ESYT1: variants seen among roughly 807,000 people sequenced by gnomAD.
ESYT1 encodes the protein extended synaptotagmin 1.
Under a neutral mutation model 154.2 loss-of-function variants are expected in ESYT1, and 116 were observed. The observed-to-expected ratio is 0.75, with a 90% CI of 0.65 to 0.88. The LOEUF is 0.88. Among genes scored for constraint, ESYT1 ranks in the 40% least tolerant of loss-of-function variants. ESYT1 has a pLI of 0.00. For missense variants in ESYT1, 1,264 were observed against 1,379.3 expected, an observed-to-expected ratio of 0.92 and a Z score of 1.32; for synonymous variants, 500 against 539.9, an observed-to-expected ratio of 0.93 and a Z score of 1.02.
chr12:56,137,287 G>A lies in ESYT1; in HGVS notation c.1852G>A (p.Asp618Asn), dbSNP rs758036849. The part of the protein sequence containing the change: ...VPGCPGAWDV[D>N]SENPQRGSSV... The stretch of plus-strand genomic sequence containing the variant: ...TGGTTGTCCTGGTGCTTGGGACGTG[G>A]ACAGTGAGAATCCCCAGAGAGGCAG... The change falls in exon 17 of 31, where the codon GAC becomes AAC. Residue 618 changes from aspartate (D) to asparagine (N), a missense_variant. Asp to Asn is a conservative substitution (Grantham distance 23, BLOSUM62 1). Coordinates refer to ENST00000394048, the MANE Select transcript of ESYT1 (RefSeq NM_015292.3). 1.2e-6 allele frequency: 2 copies of A among 1,614,174 alleles called. No homozygotes were observed. Among genetic ancestry groups the A allele is most frequent in the South Asian group, 2.2e-5 (2 of 91,078 alleles).
intron 24 of ESYT1, among the ~76,000 whole-genome samples, chr12:56,141,668 A>C (rs971645244): frequency 5.3e-5 from 8 of 152,186 alleles, no homozygotes; most frequent in Non-Finnish European, 1.2e-4. Context: ...TGAACCCAGG[A>C]GGCGGAGCTT....
Position 56,128,898 on chromosome 12 carries a change from C to T in ESYT1, c.390+189C>T, listed in dbSNP as rs116009185. 3,476 of 651,972 alleles carry T rather than the reference C, an allele frequency of 5.3e-3. 90 individuals carry two copies. The African/African-American group carries it at 0.056, about 11-fold the overall frequency. 40.4% of individuals were successfully genotyped at this position (651,972 alleles called of 1,614,324 possible). The stretch of plus-strand genomic sequence containing the variant: ...CTTGGAACCGACTGCTCACTCTCCC[C>T]ACCCACCCTTTCGCATGCCCAGACT... On this transcript the variant is annotated intron_variant, in intron 1 of 30. Transcript: ENST00000394048.
At position 56,128,702 on chromosome 12, in the gene ESYT1, C is replaced by G; in HGVS notation, c.383C>G (p.Pro128Arg). The G allele has an allele frequency of 6.2e-7, 1 of 1,613,566 alleles. No homozygotes were observed. The highest frequency in any genetic ancestry group is 8.5e-7 in the Non-Finnish European group (1 of 1,180,032). ...CTCTATATGAGTCATCGAGAGCTAC[C>G]TGCCTGGGTGAGCGACCACCCTCGG... Reference protein sequence around the residue: ...KTLYMSHRELPAWVSFPDVEK... With the variant: ...KTLYMSHRELRAWVSFPDVEK... Residue 128 changes from proline (P) to arginine (R), a missense_variant, in exon 1 of 31, where the codon CCT (proline) becomes CGT (arginine). Coordinates refer to ENST00000394048, the MANE Select transcript of ESYT1 (RefSeq NM_015292.3).
chr12:56,130,451 C>G, intron 1 of ESYT1, 131 bp from the exon 2 acceptor site: 1 of 1,100,952 alleles, frequency 9.1e-7, no homozygotes, highest in Non-Finnish European at 1.4e-6. Context: ...GGCATCCTCG[C>G]CCCTCGCCCA....
chr12:56,138,513 C>T lies in ESYT1; in HGVS notation c.2433+14C>T. On this transcript the variant is annotated intron_variant, in intron 22 of 30. Transcript: ENST00000394048. ...GAGGACCTCCCGGTGAGATCCCGCT[C>T]CCCATGCCCCATAACTTCCTGGCCC... 6.3e-7 allele frequency: 1 copy of T among 1,587,860 alleles called. No individual in the cohort carries two copies. Among genetic ancestry groups the T allele is most frequent in the Non-Finnish European group, 8.6e-7 (1 of 1,166,790 alleles).
Position 56,142,643 on chromosome 12 carries a change from G to A in ESYT1, c.2799G>A (p.Ser933=), listed in dbSNP as rs1159370163. ...ACAGCTACAGCCACAGCTCCTCATC[G>A]CTGAGTGAAGAACCAGAGCTCTCGG... ...HSHSYSHSSS[S]LSEEPELSGG... Residue 933 remains serine (S), a synonymous_variant, in exon 26 of 31, where the codon TCG becomes TCA. Transcript: ENST00000394048. The surrounding 1 kb of genome is among the most constrained non-coding windows in gnomAD (Gnocchi z 4.1). 15 of 1,613,956 alleles carry A rather than the reference G, an allele frequency of 9.3e-6. No individual in the cohort carries two copies. Among genetic ancestry groups the A allele is most frequent in the Admixed American group, 3.3e-5 (2 of 59,990 alleles).
At chr12:56,128,772 T>A in intron 1 of ESYT1, 63 bp downstream of exon 1, 14 of 1,588,350 alleles carry the variant, frequency 8.8e-6, no homozygotes, top group Non-Finnish European at 1.1e-5. Context: ...CATCTGGGGC[T>A]TTTCCTCCTT....
At chr12:56,134,277 G>A in intron 14 of ESYT1, 65 bp from the exon 15 acceptor site, 1 of 1,591,768 alleles carries the variant, frequency 6.3e-7, no homozygotes, top group Non-Finnish European at 8.6e-7. Context: ...TACATGCAGG[G>A]GTTTTCTGCA....
chr12:56,141,655 G>T (rs1704175177), intron 24 of ESYT1, among the ~76,000 whole-genome samples: 1 of 152,166 alleles, frequency 6.6e-6, no homozygotes, highest in Admixed American at 6.5e-5. Flanking sequence ...CAGGAGAATG[G>T]CGTGAACCCA....
intron 16 of ESYT1, 128 bp from the exon 17 acceptor site, chr12:56,137,090 A>G: frequency 1.5e-6 from 2 of 1,353,288 alleles, no homozygotes; most frequent in Non-Finnish European, 2.1e-6. Context: ...GGAACCCTGT[A>G]GAGATGAGCC....
chr12:56,133,912 A>G (rs774303141), intron 13 of ESYT1, 39 bp downstream of exon 13: 17 of 1,599,618 alleles, frequency 1.1e-5, no homozygotes, highest in Non-Finnish European at 1.5e-5. Context: ...TGGATGTAAC[A>G]TTCCCCAACC....
At chr12:56,136,633 G>A (rs75697383) in intron 15 of ESYT1, 111 bp from the exon 16 acceptor site, 9,626 of 884,016 alleles carry the variant, frequency 0.011, 92 homozygotes, top group Non-Finnish European at 0.013. Flanking sequence ...TGGAGCAGGA[G>A]GTTTGTGATT....
At chr12:56,131,417 T>G in intron 5 of ESYT1, 60 bp from the exon 6 acceptor site, 1 of 1,610,642 alleles carries the variant, frequency 6.2e-7, no homozygotes, top group South Asian at 1.1e-5. Flanking sequence ...TGAGAAAGTC[T>G]GGGAGGACAG....
Position 56,134,124 on chromosome 12 carries a change from C to T in ESYT1, c.1488C>T (p.Asn496=), listed in dbSNP as rs1870352597. The part of the protein sequence containing the change: ...RAQDLPLKKG[N]KEPNPMVQLS... ...ACCCACCACAGCTGAAGAAGGGGAA[C>T]AAGGAACCCAACCCTATGGTACAAC... Residue 496 remains asparagine, a synonymous_variant, in exon 14 of 31, where the codon AAC becomes AAT. Coordinates refer to ENST00000394048, the MANE Select transcript of ESYT1 (RefSeq NM_015292.3). The T allele has an allele frequency of 3.1e-6, 5 of 1,613,976 alleles. No individual in the cohort carries two copies. The East Asian group carries it at 1.1e-4, about 36-fold the overall frequency.
At chr12:56,137,738 T>C in intron 18 of ESYT1, 63 bp downstream of exon 18, 1 of 1,609,954 alleles carries the variant, frequency 6.2e-7, no homozygotes, top group Non-Finnish European at 8.5e-7. Context: ...CCAAAAGTGG[T>C]CCAGAAACCT....
intron 24 of ESYT1, among the ~76,000 whole-genome samples, chr12:56,139,887 C>CT (rs764181208): frequency 0.011 from 1,581 of 143,778 alleles, 23 homozygotes; most frequent in African/African-American, 0.038. Flanking sequence ...TGCACCCGGC[C>CT]TTTTTTTTTT....
At position 56,140,188 on chromosome 12, in the gene ESYT1, C is replaced by T. The variant is rs576939834; in HGVS notation, c.2592+1175C>T. On this transcript the variant is annotated intron_variant, in intron 24 of 30. Coordinates refer to ENST00000394048, the MANE Select transcript of ESYT1 (RefSeq NM_015292.3). Reference sequence around the variant, plus strand: ...CAGCCTAAGGGTAGATTTACTGGTTCTTTCGGACCACGAAAAGAAGAGCAG... The same window carrying T: ...CAGCCTAAGGGTAGATTTACTGGTTTTTTCGGACCACGAAAAGAAGAGCAG... Among the ~76,000 whole-genome samples the T allele has an allele frequency of 3.6e-3, 547 of 151,914 alleles. 5 individuals are homozygous for T. Among genetic ancestry groups the T allele is most frequent in the Middle Eastern group, 0.034 (10 of 294 alleles).
At chr12:56,138,576 A>G in intron 22 of ESYT1, 77 bp downstream of exon 22, 1 of 1,425,588 alleles carries the variant, frequency 7.0e-7, no homozygotes, top group Admixed American at 2.0e-5. Flanking sequence ...GTCCTGGAGT[A>G]TTTAGAATAA....
chr12:56,134,792 T>A (rs931844598), intron 15 of ESYT1, among the ~76,000 whole-genome samples: 1 of 151,752 alleles, frequency 6.6e-6, no homozygotes, highest in Admixed American at 6.6e-5. Context: ...AGAGACAGGG[T>A]TTCACCATGC....
Sources: gnomAD v4.1 joint callset for allele counts (sites outside exome capture counted in the v4.1 genomes callset) on GRCh38, gnomAD v4.1.1 for gene constraint, Gnocchi (gnomAD v3.1) non-coding constraint, MANE v1.5 for transcripts, NCBI Gene and HGNC (gene_info 2026-07-23, HGNC 2026-07-21) for gene names.